Variants in PYGL observed in about 807,000 individuals in gnomAD.
The protein encoded by PYGL is glycogen phosphorylase L, also known as glycogen phosphorylase, liver form.
In PYGL, 90 loss-of-function variants were observed where a neutral mutation model predicts 100.1. The observed-to-expected ratio is 0.90, with a 90% CI of 0.76 to 1.07. PYGL has a LOEUF of 1.07. Ranked by LOEUF, PYGL falls within the 50% of genes least tolerant of loss-of-function variation. PYGL has a pLI of 0.00. For synonymous variants in PYGL, 373 were observed against 393.0 expected (o/e 0.95, Z 0.60); for missense variants, 1,016 against 1,057.6 (o/e 0.96, Z 0.55).
Position 50,911,977 on chromosome 14 carries a change from C to A in PYGL, c.1827+1G>T. The A allele has an allele frequency of 3.7e-6, 6 of 1,613,706 alleles. No individual in the cohort carries two copies. The highest frequency in any genetic ancestry group is 5.1e-6 in the Non-Finnish European group (6 of 1,179,594). ...GTCCCCATTGAATAGATTCAACTTACTTTACCACCAATGATAACTGTCCTT... is the reference window on the plus strand; with the variant it reads ...GTCCCCATTGAATAGATTCAACTTAATTTACCACCAATGATAACTGTCCTT... On this transcript the variant is annotated splice_donor_variant, in intron 15 of 19. Coordinates refer to ENST00000216392, the MANE Select transcript of PYGL (RefSeq NM_002863.5). LOFTEE classifies it high-confidence loss of function.
At chr14:50,912,416 T>A (rs1436511854) in intron 13 of PYGL, 113 bp from the exon 14 acceptor site, 2 of 1,346,458 alleles carry the variant, frequency 1.5e-6, no homozygotes, top group East Asian at 4.6e-5. Context: ...TGGAGTGCAG[T>A]GGCATGATCT....
intron 19 of PYGL, among the ~76,000 whole-genome samples, chr14:50,907,434 C>A (rs2050345995): frequency 6.6e-6 from 1 of 152,120 alleles, no homozygotes; most frequent in African/African-American, 2.4e-5. Context: ...ACTGATGACC[C>A]CACCCATTAC....
intron 1 of PYGL, among the ~76,000 whole-genome samples, chr14:50,943,337 A>G (rs2050717076): frequency 6.6e-6 from 1 of 152,214 alleles, no homozygotes. Context: ...ACTGTCAGGC[A>G]GAGATATTGT....
chr14:50,908,632 A>G (rs542721143), intron 18 of PYGL, among the ~76,000 whole-genome samples, 189 bp downstream of exon 18: 5 of 152,318 alleles, frequency 3.3e-5, no homozygotes, highest in Non-Finnish European at 7.4e-5. Flanking sequence ...GGTGGAGAAT[A>G]TCTAACTTTT....
Position 50,917,112 on chromosome 14 carries a change from G to A in PYGL, c.856-7C>T. On this transcript the variant is annotated splice_polypyrimidine_tract_variant and splice_region_variant and intron_variant, in intron 7 of 19. Coordinates refer to ENST00000216392, the MANE Select transcript of PYGL (RefSeq NM_002863.5). The stretch of plus-strand genomic sequence containing the variant: ...GCTCCTTCCCTTCAAAAAACTTCAA[G>A]CCAGAGAGATAGAATAAAAATGGTT... 2 of 1,613,248 alleles carry A rather than the reference G, an allele frequency of 1.2e-6. No individual in the cohort carries two copies. The highest frequency in any genetic ancestry group is 1.7e-6 in the Non-Finnish European group (2 of 1,179,236).
chr14:50,931,041 G>GTGTGCCAGATTTATT (rs1397727937), intron 4 of PYGL, among the ~76,000 whole-genome samples: 80 of 152,176 alleles, frequency 5.3e-4, no homozygotes, highest in Non-Finnish European at 2.8e-4. Flanking sequence ...CATATTAAAT[G>GTGTGCCAGATTTATT]TGTGCCAGAT....
At chr14:50,909,085 A>G (rs950837497) in intron 17 of PYGL, 130 bp from the exon 18 acceptor site, 4 of 1,040,516 alleles carry the variant, frequency 3.8e-6, no homozygotes, top group Non-Finnish European at 5.7e-6. Flanking sequence ...AGACTTCATT[A>G]TAGATTTCAC....
At position 50,915,965 on chromosome 14, in the gene PYGL, C is replaced by A. The variant is rs1015110759; in HGVS notation, c.1099G>T (p.Glu367Ter). ...TAGGCGAAGGTCTTCTGGGTGAGCT[C>A]CCATGCCTGGGGGAAAGGAAGGAGT... The part of the protein sequence containing the change: ...IEKLPWSKAW[E>*]LTQKTFAYTN... The change falls in exon 10 of 20, where the codon GAG becomes TAG. Residue 367 changes from glutamate to a stop codon, truncating the protein, a stop_gained. Transcript: ENST00000216392. LOFTEE classifies it high-confidence loss of function. 1.9e-6 allele frequency: 3 copies of A among 1,614,102 alleles called. No homozygotes were observed. Among genetic ancestry groups the A allele is most frequent in the Non-Finnish European group, 2.5e-6 (3 of 1,180,022 alleles).
chr14:50,922,134 T>A (rs2050508534), intron 5 of PYGL, among the ~76,000 whole-genome samples: 2 of 152,186 alleles, frequency 1.3e-5, no homozygotes, highest in Admixed American at 1.3e-4. Context: ...AGAGTCAAGC[T>A]CGAAGGAAGG....
intron 7 of PYGL, 106 bp downstream of exon 7, chr14:50,920,435 C>T: frequency 1.8e-6 from 2 of 1,123,852 alleles, no homozygotes; most frequent in Non-Finnish European, 2.7e-6. Context: ...GCTTGTTCTG[C>T]ACATGGAAAA....
intron 1 of PYGL, among the ~76,000 whole-genome samples, chr14:50,943,332 C>T (rs2050717027): frequency 6.6e-6 from 1 of 152,216 alleles, no homozygotes; most frequent in Admixed American, 6.5e-5. Context: ...CGCAAACTGT[C>T]AGGCAGAGAT....
chr14:50,943,553 C>T (rs955179724), intron 1 of PYGL, among the ~76,000 whole-genome samples: 1 of 152,228 alleles, frequency 6.6e-6, no homozygotes, highest in African/African-American at 2.4e-5. Flanking sequence ...GAAAGACTCA[C>T]GGAATTCCAG....
chr14:50,936,278 G>A (rs1052344016), intron 2 of PYGL, among the ~76,000 whole-genome samples: 1 of 152,132 alleles, frequency 6.6e-6, no homozygotes, highest in African/African-American at 2.4e-5. Flanking sequence ...GACATATGTG[G>A]AAGATGCACC....
chr14:50,928,428 C>G (rs1237181093), intron 4 of PYGL, among the ~76,000 whole-genome samples: 1 of 152,008 alleles, frequency 6.6e-6, no homozygotes, highest in African/African-American at 2.4e-5. Flanking sequence ...TGCTAAGAGG[C>G]AAGAGAAGGG....
At chr14:50,927,804 A>C (rs1365908667) in intron 4 of PYGL, among the ~76,000 whole-genome samples, 1 of 152,138 alleles carries the variant, frequency 6.6e-6, no homozygotes, top group Non-Finnish European at 1.5e-5. Flanking sequence ...AGGAGGAGAG[A>C]ACTATCCCTT....
chr14:50,933,924 C>T (rs965389228), intron 3 of PYGL, among the ~76,000 whole-genome samples: 2 of 152,114 alleles, frequency 1.3e-5, no homozygotes, highest in African/African-American at 4.8e-5. Flanking sequence ...AATTTGATTT[C>T]GCTTTTAATT....
chr14:50,935,510 C>T (rs2050646926), intron 2 of PYGL, among the ~76,000 whole-genome samples: 1 of 152,230 alleles, frequency 6.6e-6, no homozygotes. Context: ...GTACCTACCT[C>T]ACTGATGATT....
At chr14:50,928,230 C>T (rs966110101) in intron 4 of PYGL, among the ~76,000 whole-genome samples, 3 of 152,180 alleles carry the variant, frequency 2.0e-5, no homozygotes, top group Non-Finnish European at 4.4e-5. Context: ...CTCTTCTCTG[C>T]ACCTGTGGGA....
chr14:50,912,994 G>A, intron 13 of PYGL, 35 bp downstream of exon 13: 1 of 1,564,752 alleles, frequency 6.4e-7, no homozygotes, highest in Non-Finnish European at 8.8e-7. Context: ...CTCACAGTGA[G>A]TGCCCAGGAG....
Sources: allele counts gnomAD v4.1 joint callset (sites outside exome capture counted in the v4.1 genomes callset), GRCh38; gene constraint gnomAD v4.1.1; transcripts MANE v1.5; gene names NCBI Gene and HGNC (gene_info 2026-07-23, HGNC 2026-07-21).